Variants in CADM2 observed in about 807,000 individuals in gnomAD.
CADM2 encodes the protein cell adhesion molecule 2, also known as immunoglobulin superfamily member 4D.
A neutral mutation model predicts 49.8 loss-of-function variants in CADM2; 12 were observed. The ratio of observed to expected loss-of-function variants is 0.24; its 90% CI spans 0.15 to 0.39. The LOEUF is 0.39. CADM2 is among the 10% of genes least tolerant of loss of function. The pLI, the probability that CADM2 is intolerant of heterozygous loss-of-function variation, is 1.00. For missense variants in CADM2, 378 were observed against 492.3 expected, an observed-to-expected ratio of 0.77 and a Z score of 2.20; for synonymous variants, 214 against 175.4, an observed-to-expected ratio of 1.22 and a Z score of -1.74.
chr3:85,493,532 A>G (rs1175958509), intron 1 of CADM2, among the ~76,000 whole-genome samples: 2 of 152,210 alleles, frequency 1.3e-5, no homozygotes, highest in Non-Finnish European at 2.9e-5. Flanking sequence ...TCCAGTGAAA[A>G]AAGCACAGTG....
intron 8 of CADM2, among the ~76,000 whole-genome samples, chr3:86,041,392 C>T (rs1287267813): frequency 1.3e-5 from 2 of 151,978 alleles, no homozygotes. Context: ...GGAAGATCTA[C>T]GAAGCAAATG....
intron 1 of CADM2, among the ~76,000 whole-genome samples, chr3:85,700,149 G>A (rs891541808): frequency 1.3e-5 from 2 of 152,176 alleles, no homozygotes; most frequent in African/African-American, 4.8e-5. Context: ...GGAATACTAT[G>A]CAGCCATAAA....
chr3:85,836,831 A>G (rs1367526312), intron 3 of CADM2, among the ~76,000 whole-genome samples: 1 of 151,642 alleles, frequency 6.6e-6, no homozygotes, highest in Non-Finnish European at 1.5e-5. Context: ...TGATACGAGC[A>G]AAATGGCATC....
rs147808831 is a variant in CADM2 at position 85,745,687 on chromosome 3, G to C, written c.88+19139G>C. 3.1e-3 allele frequency among the ~76,000 whole-genome samples: 466 copies of C among 152,202 alleles called. 1 individual carries two copies. The highest frequency in any genetic ancestry group is 0.011 in the African/African-American group (448 of 41,538). ...TCAAGACCAGCCTATGCAACATTGC[G>C]ATACCCCATCTCTACAAAAAATTAA... On this transcript the variant is annotated intron_variant, in intron 2 of 9. Transcript: ENST00000383699.
At chr3:85,010,083 C>A (rs951236851) in intron 1 of CADM2, among the ~76,000 whole-genome samples, 1 of 151,668 alleles carries the variant, frequency 6.6e-6, no homozygotes, top group Admixed American at 6.6e-5. Context: ...ATAGAGAATA[C>A]CCCAATAAAG....
chr3:85,377,963 A>G (rs1014646891), intron 1 of CADM2, among the ~76,000 whole-genome samples: 1 of 152,086 alleles, frequency 6.6e-6, no homozygotes, highest in East Asian at 1.9e-4. Context: ...TGTAGCTAAG[A>G]TAGTAATGAA....
At chr3:85,455,264 T>C (rs992606481) in intron 1 of CADM2, among the ~76,000 whole-genome samples, 3 of 152,240 alleles carry the variant, frequency 2.0e-5, no homozygotes, top group African/African-American at 7.2e-5. Context: ...AAGTAAAGGA[T>C]ATTTAAGGAA....
chr3:85,471,834 A>C (rs2038783642), intron 1 of CADM2, among the ~76,000 whole-genome samples: 1 of 151,618 alleles, frequency 6.6e-6, no homozygotes, highest in South Asian at 2.1e-4. Flanking sequence ...AAATTCTTAT[A>C]ATATCTATAT....
chr3:84,989,378 A>T lies in CADM2; in HGVS notation c.61+29710A>T, dbSNP rs190661552. Among the ~76,000 whole-genome samples, 126 of 152,304 alleles carry T rather than the reference A, an allele frequency of 8.3e-4. No homozygotes were observed. The Middle Eastern group carries it at 0.017, about 21-fold the overall frequency. ...GGTTAACATTTAACAATATGTAGTT[A>T]TTTAAATAGATAAGTCTTTAACAAT... On this transcript the variant is annotated intron_variant, in intron 1 of 9. Transcript: ENST00000383699.
intron 1 of CADM2, among the ~76,000 whole-genome samples, chr3:85,207,359 T>A (rs1474688654): frequency 3.3e-5 from 5 of 152,178 alleles, no homozygotes; most frequent in Admixed American, 6.5e-5. Flanking sequence ...TTTTTAGAGG[T>A]ATTTCTGCTT....
intron 1 of CADM2, among the ~76,000 whole-genome samples, chr3:84,994,904 T>C (rs2033093644): frequency 6.6e-6 from 1 of 151,852 alleles, no homozygotes; most frequent in Admixed American, 6.6e-5. Context: ...GGTGTGCACC[T>C]GTAACCCAGC....
chr3:85,522,547 T>C (rs1437340162), intron 1 of CADM2, among the ~76,000 whole-genome samples: 1 of 152,168 alleles, frequency 6.6e-6, no homozygotes, highest in East Asian at 1.9e-4. Context: ...CATATGGCAA[T>C]TCATTGTCAT....
At chr3:85,485,480 G>GA (rs1226670628) in intron 1 of CADM2, among the ~76,000 whole-genome samples, 3 of 151,876 alleles carry the variant, frequency 2.0e-5, no homozygotes, top group Non-Finnish European at 2.9e-5. Context: ...TTGATAACTG[G>GA]AAAAAATAAC....
chr3:85,811,518 T>C (rs2108127870), intron 3 of CADM2, among the ~76,000 whole-genome samples: 1 of 152,344 alleles, frequency 6.6e-6, no homozygotes, highest in East Asian at 1.9e-4. Context: ...TTGAGAAGCC[T>C]ATTTCATGTT....
intron 1 of CADM2, among the ~76,000 whole-genome samples, chr3:85,269,803 T>G (rs2043197995): frequency 6.6e-6 from 1 of 151,386 alleles, no homozygotes; most frequent in Non-Finnish European, 1.5e-5. Context: ...AAATGAACAT[T>G]TTTAATTTTC....
chr3:85,289,721 T>A (rs1434256089), intron 1 of CADM2, among the ~76,000 whole-genome samples: 1 of 152,146 alleles, frequency 6.6e-6, no homozygotes. Context: ...ATTAAAAAAA[T>A]TGCCCTTTCA....
intron 1 of CADM2, among the ~76,000 whole-genome samples, chr3:85,568,397 C>CTCTCTCTTTCTT (rs2062336487): frequency 1.9e-5 from 1 of 52,026 alleles, no homozygotes; most frequent in African/African-American, 4.3e-5. Context: ...TCCTTCCTCC[C>CTCTCTCTTTCTT]TCTTTCTTTC....
At chr3:85,179,350 T>C (rs1174313074) in intron 1 of CADM2, among the ~76,000 whole-genome samples, 2 of 152,076 alleles carry the variant, frequency 1.3e-5, no homozygotes, top group Non-Finnish European at 2.9e-5. Flanking sequence ...AGTGTGTATA[T>C]GTATAAAGAA....
intron 1 of CADM2, among the ~76,000 whole-genome samples, chr3:85,036,470 C>A (rs1443734468): frequency 2.0e-5 from 3 of 152,088 alleles, no homozygotes; most frequent in Non-Finnish European, 4.4e-5. Context: ...TCCAATAACT[C>A]TTGGAGCTAT....
Sources: gnomAD v4.1 joint callset for allele counts (sites outside exome capture counted in the v4.1 genomes callset) on GRCh38, gnomAD v4.1.1 for gene constraint, MANE v1.5 for transcripts, NCBI Gene and HGNC (gene_info 2026-07-23, HGNC 2026-07-21) for gene names.